Variants in CADM1 observed in about 807,000 individuals in gnomAD.
CADM1 encodes the protein cell adhesion molecule 1, also known as TSLC-1.
In CADM1, 15 loss-of-function variants were observed where a neutral mutation model predicts 53.1. The observed-to-expected ratio is 0.28, with a 90% CI of 0.19 to 0.44. CADM1 has a LOEUF of 0.44. Among genes scored for constraint, CADM1 ranks in the 20% least tolerant of loss-of-function variants. The pLI is 1.00. For missense variants in CADM1, 434 were observed against 611.3 expected, an observed-to-expected ratio of 0.71 and a Z score of 3.06; for synonymous variants, 281 against 243.0, an observed-to-expected ratio of 1.16 and a Z score of -1.45.
chr11:115,301,156 A>G (rs1944211141), intron 1 of CADM1, among the ~76,000 whole-genome samples: 1 of 152,108 alleles, frequency 6.6e-6, no homozygotes, highest in Non-Finnish European at 1.5e-5. Context: ...GGCATGGATG[A>G]AAGATTGTGG....
intron 1 of CADM1, among the ~76,000 whole-genome samples, chr11:115,266,990 T>C (rs1272675455): frequency 6.6e-6 from 1 of 152,248 alleles, no homozygotes; most frequent in African/African-American, 2.4e-5. Flanking sequence ...TTCTTTAAGC[T>C]TCTTGCCTGT....
intron 1 of CADM1, among the ~76,000 whole-genome samples, chr11:115,449,866 A>G (rs1348972546): frequency 6.6e-6 from 1 of 152,184 alleles, no homozygotes; most frequent in Non-Finnish European, 1.5e-5. Flanking sequence ...ACATCCCTTA[A>G]GTATGCATTT....
At chr11:115,437,835 A>G (rs976017687) in intron 1 of CADM1, among the ~76,000 whole-genome samples, 5 of 152,162 alleles carry the variant, frequency 3.3e-5, no homozygotes, top group Admixed American at 2.6e-4. Context: ...CCAGCTCATT[A>G]TCAAGGCAGA....
intron 1 of CADM1, among the ~76,000 whole-genome samples, chr11:115,486,303 G>C (rs1949371980): frequency 6.6e-6 from 1 of 152,042 alleles, no homozygotes; most frequent in Non-Finnish European, 1.5e-5. Context: ...TTACTTCACT[G>C]TTCAAAAAAT....
chr11:115,384,234 G>A (rs1946645137), intron 1 of CADM1, among the ~76,000 whole-genome samples: 1 of 152,148 alleles, frequency 6.6e-6, no homozygotes, highest in Admixed American at 6.5e-5. Flanking sequence ...ACCTTCTCCT[G>A]TTTTATTCAA....
chr11:115,396,332 T>C (rs772510292), intron 1 of CADM1, among the ~76,000 whole-genome samples: 1 of 152,208 alleles, frequency 6.6e-6, no homozygotes, highest in African/African-American at 2.4e-5. Flanking sequence ...TCAATTTATG[T>C]GCTACAGACA....
chr11:115,273,918 T>C (rs1943373479), intron 1 of CADM1, among the ~76,000 whole-genome samples: 1 of 152,238 alleles, frequency 6.6e-6, no homozygotes, highest in Admixed American at 6.5e-5. Context: ...TGACATTACA[T>C]ACTAGAGTGT....
intron 1 of CADM1, among the ~76,000 whole-genome samples, chr11:115,428,060 T>C (rs987414514): frequency 1.6e-5 from 2 of 126,110 alleles, no homozygotes; most frequent in Admixed American, 1.5e-4. Context: ...TGTCCACAAC[T>C]AAAGAAAATA....
At chr11:115,467,510 C>A (rs1023440433) in intron 1 of CADM1, among the ~76,000 whole-genome samples, 1 of 152,184 alleles carries the variant, frequency 6.6e-6, no homozygotes, top group Non-Finnish European at 1.5e-5. Flanking sequence ...GGCCACCCAA[C>A]TATGAAGCTG....
chr11:115,391,140 G>A lies in CADM1; in HGVS notation c.124+113131C>T, dbSNP rs554400551. ...GTGAAAGAAATCAGTGTGAATTAGC[G>A]TCTAGAATCTTATAACCTGTCTGCA... On this transcript the variant is annotated intron_variant, in intron 1 of 11. Coordinates refer to ENST00000331581, the MANE Select transcript of CADM1 (RefSeq NM_001301043.2). Among the ~76,000 whole-genome samples, 7 of 152,232 alleles carry A rather than the reference G, an allele frequency of 4.6e-5. No homozygotes were observed. In the South Asian group the frequency reaches 1.0e-3, roughly 23 times the overall value.
At chr11:115,364,737 C>A (rs1296443644) in intron 1 of CADM1, among the ~76,000 whole-genome samples, 2 of 152,142 alleles carry the variant, frequency 1.3e-5, no homozygotes, top group African/African-American at 4.8e-5. Flanking sequence ...ACATTTGGCA[C>A]ATTATCACTC....
At chr11:115,487,473 T>C (rs1949401108) in intron 1 of CADM1, among the ~76,000 whole-genome samples, 1 of 152,108 alleles carries the variant, frequency 6.6e-6, no homozygotes, top group South Asian at 2.1e-4. Flanking sequence ...CTCTATGCAC[T>C]CACCTTATGA....
chr11:115,317,083 G>C (rs1394809355), intron 1 of CADM1, among the ~76,000 whole-genome samples: 42 of 151,976 alleles, frequency 2.8e-4, no homozygotes. Flanking sequence ...TAAGAAGGCG[G>C]AAAAAACGGC....
At chr11:115,500,627 G>A (rs937053034) in intron 1 of CADM1, among the ~76,000 whole-genome samples, 1 of 152,196 alleles carries the variant, frequency 6.6e-6, no homozygotes. Context: ...ATAATTGCAA[G>A]ACATCTTACC....
chr11:115,221,116 G>A (rs1328970978), intron 5 of CADM1, among the ~76,000 whole-genome samples: 1 of 152,186 alleles, frequency 6.6e-6, no homozygotes, highest in East Asian at 1.9e-4. Flanking sequence ...AAAGCCAGAC[G>A]ATACTTTCTA....
intron 8 of CADM1, among the ~76,000 whole-genome samples, chr11:115,198,858 C>T (rs956916738): frequency 6.6e-6 from 1 of 152,206 alleles, no homozygotes; most frequent in Non-Finnish European, 1.5e-5. Flanking sequence ...AACATTCAAA[C>T]ATTGCCTTTG....
Position 115,174,950 on chromosome 11 carries a change from T to TC in CADM1, c.*1523dup. On this transcript the variant is annotated 3_prime_UTR_variant, in exon 12 of 12. Coordinates refer to ENST00000331581, the MANE Select transcript of CADM1 (RefSeq NM_001301043.2). ...ATGGTAACGTGACTCCTCTACCTTTTCCCGAGGCTCCCCATCTAAGATATG... is the reference window on the plus strand; with the variant it reads ...ATGGTAACGTGACTCCTCTACCTTTTCCCCGAGGCTCCCCATCTAAGATATG... 1.0e-6 allele frequency: 1 copy of TC among 985,790 alleles called. No individual in the cohort carries two copies. The highest frequency in any genetic ancestry group is 1.2e-6 in the Non-Finnish European group (1 of 829,908). 61.1% of individuals were successfully genotyped at this position (985,790 alleles called of 1,614,324 possible).
Position 115,504,125 on chromosome 11 carries a change from G to C in CADM1, c.124+146C>G, listed in dbSNP as rs142718956. ...GATGCCCTCAGCCCCTTCCCTCTCA[G>C]CCCTGAGTTTCCTCTCCACACTCCC... On this transcript the variant is annotated intron_variant, in intron 1 of 11. Coordinates refer to ENST00000331581, the MANE Select transcript of CADM1 (RefSeq NM_001301043.2). The C allele has an allele frequency of 3.6e-4, 446 of 1,228,544 alleles. 2 individuals are homozygous for C. The African/African-American group carries it at 5.7e-3, about 16-fold the overall frequency. The allele number at this position is 1,228,544 out of a possible 1,614,324, so 76.1% of individuals were successfully genotyped here.
chr11:115,249,191 T>C (rs1452816219), intron 1 of CADM1, among the ~76,000 whole-genome samples: 1 of 152,224 alleles, frequency 6.6e-6, no homozygotes, highest in East Asian at 1.9e-4. Flanking sequence ...TTAGACAAAA[T>C]GGAGTTGTGC....
Sources: gnomAD v4.1 joint callset for allele counts (sites outside exome capture counted in the v4.1 genomes callset) on GRCh38, gnomAD v4.1.1 for gene constraint, MANE v1.5 for transcripts, NCBI Gene and HGNC (gene_info 2026-07-23, HGNC 2026-07-21) for gene names.